Variants in MACF1 observed in about 807,000 individuals in gnomAD.
MACF1 encodes microtubule actin crosslinking factor 1, also known as microtubule-actin cross-linking factor 1.
MACF1 carries 193 observed loss-of-function variants against 854.8 expected under a neutral mutation model. That is an observed-to-expected ratio of 0.23 (90% CI 0.20 to 0.25). The LOEUF (loss-of-function observed/expected upper bound fraction) is 0.25. Ranked by LOEUF, MACF1 falls within the 10% of genes least tolerant of loss-of-function variation. The pLI is 1.00. For missense variants in MACF1, 7,722 were observed against 8,929.1 expected (o/e 0.86, Z 5.45); for synonymous variants, 3,185 against 3,226.7 (o/e 0.99, Z 0.44).
intron 58 of MACF1, among the ~76,000 whole-genome samples, chr1:39,393,569 G>T (rs1642143000): frequency 6.6e-6 from 1 of 152,102 alleles, no homozygotes; most frequent in Non-Finnish European, 1.5e-5. Context: ...AGCATTCTGG[G>T]AGGCTGATGT....
chr1:39,402,212 A>C (rs1557632447), intron 58 of MACF1, among the ~76,000 whole-genome samples: 1 of 152,210 alleles, frequency 6.6e-6, no homozygotes, highest in African/African-American at 2.4e-5. Context: ...CTGTGTCTCA[A>C]AAAAGAGGGG....
intron 2 of MACF1, among the ~76,000 whole-genome samples, chr1:39,091,808 T>G (rs1641814881): frequency 6.6e-6 from 1 of 152,204 alleles, no homozygotes; most frequent in African/African-American, 2.4e-5. Context: ...TGATACATAT[T>G]AGCTCTTTTC....
intron 99 of MACF1, among the ~76,000 whole-genome samples, chr1:39,482,252 G>C (rs1156653443): frequency 6.6e-6 from 1 of 152,216 alleles, no homozygotes; most frequent in Non-Finnish European, 1.5e-5. Flanking sequence ...GCAGTGCGCA[G>C]GAACCTTAGC....
intron 1 of MACF1, among the ~76,000 whole-genome samples, chr1:39,213,151 ATCTT>A (rs1644536643): frequency 6.6e-6 from 1 of 152,202 alleles, no homozygotes; most frequent in South Asian, 2.1e-4. Context: ...AAATGATAAT[ATCTT>A]TCTTGGAGAA....
chr1:39,454,980 G>C lies in MACF1; in HGVS notation c.20958G>C (p.Glu6986Asp). 3.1e-6 allele frequency: 5 copies of C among 1,614,132 alleles called. No individual in the cohort carries two copies. The highest frequency in any genetic ancestry group is 4.2e-6 in the Non-Finnish European group (5 of 1,180,006). ...TGTCAGAACTGGTGGCTAATGCTGA[G>C]CTCCTGGAAGAACTTCTGGCATGGA... ...TALSELVANA[E>D]LLEELLAWIQ... The change falls in exon 89 of 101, where the codon GAG becomes GAC. Residue 6986 changes from glutamate (E) to aspartate (D), a missense_variant. Physicochemically the swap from Glu to Asp is conservative, Grantham distance 45. Transcript: ENST00000564288.
At chr1:39,458,103 C>G (rs658191) in intron 89 of MACF1, 17,385 of 343,782 alleles carry the variant, frequency 0.051, 802 homozygotes, top group East Asian at 0.15. Flanking sequence ...GGGAGGGCAC[C>G]AAGGCCATTC....
chr1:39,363,968 C>G (rs183590207), intron 49 of MACF1, among the ~76,000 whole-genome samples: 1 of 152,154 alleles, frequency 6.6e-6, no homozygotes, highest in Non-Finnish European at 1.5e-5. Context: ...TGTGCTATTA[C>G]TACTGAATAG....
intron 58 of MACF1, chr1:39,412,161 C>G (rs750313513): frequency 5.0e-6 from 8 of 1,613,870 alleles, no homozygotes; most frequent in Non-Finnish European, 6.8e-6. Context: ...GCAGTTTGTC[C>G]CAGGGAGACT....
chr1:39,101,217 C>A (rs953197666), intron 2 of MACF1, among the ~76,000 whole-genome samples: 2 of 149,584 alleles, frequency 1.3e-5, no homozygotes, highest in Non-Finnish European at 3.0e-5. Context: ...ATTAGCTGGG[C>A]ATGGTGGCAG....
At chr1:39,346,670 C>T (rs1026879979) in intron 40 of MACF1, among the ~76,000 whole-genome samples, 9 of 151,844 alleles carry the variant, frequency 5.9e-5, no homozygotes, top group Admixed American at 5.2e-4. Flanking sequence ...CAGGCGCCTG[C>T]CACTACGCCT....
chr1:39,281,129 T>A (rs1205058628), intron 6 of MACF1, among the ~76,000 whole-genome samples: 1 of 152,198 alleles, frequency 6.6e-6, no homozygotes, highest in Non-Finnish European at 1.5e-5. Flanking sequence ...TGCATTATGA[T>A]CTCCCTAAAA....
In MACF1 at chr1:39,274,206, GA is replaced by G. The variant is rs1195750241; in HGVS notation, c.529-7995del. Among the ~76,000 whole-genome samples, 6 of 149,562 alleles carry G rather than the reference GA, an allele frequency of 4.0e-5. No individual in the cohort carries two copies. The South Asian group carries it at 6.4e-4, about 16-fold the overall frequency. On this transcript the variant is annotated intron_variant, in intron 6 of 100. Coordinates refer to ENST00000564288, the MANE Select transcript of MACF1 (RefSeq NM_001394062.1). ...ATTTCCATTTCAAATAGAAAATTAAGAAAAAAATTGTATAAAAATAAAATGA... is the reference window on the plus strand; with the variant it reads ...ATTTCCATTTCAAATAGAAAATTAAGAAAAAATTGTATAAAAATAAAATGA...
At chr1:39,364,714 G>T (rs1165346599) in intron 49 of MACF1, among the ~76,000 whole-genome samples, 1 of 151,818 alleles carries the variant, frequency 6.6e-6, no homozygotes, top group Non-Finnish European at 1.5e-5. Context: ...GGATGGTCTC[G>T]ATCTCCTGAC....
chr1:39,243,121 A>T (rs1028031805), intron 2 of MACF1, among the ~76,000 whole-genome samples: 1 of 152,178 alleles, frequency 6.6e-6, no homozygotes, highest in East Asian at 1.9e-4. Flanking sequence ...TGTCTTTTAT[A>T]ATATAGACAT....
intron 88 of MACF1, among the ~76,000 whole-genome samples, chr1:39,454,361 C>T (rs1197713897): frequency 6.6e-6 from 1 of 152,176 alleles, no homozygotes; most frequent in African/African-American, 2.4e-5. Flanking sequence ...ACAGGTGGTA[C>T]TGGGACCAGT....
chr1:39,374,484 C>T (rs1250299221), intron 52 of MACF1, among the ~76,000 whole-genome samples: 1 of 152,176 alleles, frequency 6.6e-6, no homozygotes, highest in Non-Finnish European at 1.5e-5. Flanking sequence ...ATATCAACCT[C>T]TACGTTCAGT....
At chr1:39,344,583 C>T (rs1647006266) in intron 40 of MACF1, among the ~76,000 whole-genome samples, 1 of 152,126 alleles carries the variant, frequency 6.6e-6, no homozygotes, top group Non-Finnish European at 1.5e-5. Context: ...TTACGTTTCT[C>T]CTCCCCTGAT....
chr1:39,269,484 G>A lies in MACF1; in HGVS notation c.528+11456G>A, dbSNP rs764268501. The stretch of plus-strand genomic sequence containing the variant: ...CCAAAGACGCACGGAGCCTTCCCAT[G>A]TGGGTCAAGTGCCCCCCCAGGATTC... On this transcript the variant is annotated intron_variant, in intron 6 of 100. Coordinates refer to ENST00000564288, the MANE Select transcript of MACF1 (RefSeq NM_001394062.1). 1.4e-4 allele frequency: 183 copies of A among 1,289,816 alleles called. 4 individuals are homozygous for A. The South Asian group carries it at 1.9e-3, about 13-fold the overall frequency. The allele number at this position is 1,289,816 out of a possible 1,614,324, so 79.9% of individuals were successfully genotyped here.
chr1:39,108,219 C>A (rs888269146), intron 2 of MACF1, among the ~76,000 whole-genome samples: 1 of 152,120 alleles, frequency 6.6e-6, no homozygotes, highest in East Asian at 1.9e-4. Context: ...TCTAACAGTT[C>A]AGAGTGGGCA....
Sources: allele counts gnomAD v4.1 joint callset (sites outside exome capture counted in the v4.1 genomes callset), GRCh38; gene constraint gnomAD v4.1.1; transcripts MANE v1.5; gene names NCBI Gene and HGNC (gene_info 2026-07-23, HGNC 2026-07-21).